The following ZNF175 variants were observed in gnomAD, a reference collection of about 807,000 sequenced individuals.
ZNF175 encodes zinc finger protein 175, also known as zinc finger protein OTK18.
A neutral mutation model predicts 14.0 loss-of-function variants in ZNF175; 8 were observed. That is an observed-to-expected ratio of 0.57 (90% CI 0.34 to 1.03). ZNF175 has a LOEUF of 1.03. Among genes scored for constraint, ZNF175 ranks in the 50% least tolerant of loss-of-function variants. The pLI, the probability that ZNF175 is intolerant of heterozygous loss-of-function variation, is 0.03. For synonymous variants in ZNF175, 255 were observed against 296.8 expected, an observed-to-expected ratio of 0.86 and a Z score of 1.45; for missense variants, 764 against 849.5, an observed-to-expected ratio of 0.90 and a Z score of 1.25.
intron 2 of ZNF175, among the ~76,000 whole-genome samples, chr19:51,580,177 C>T (rs989182559): frequency 3.9e-5 from 6 of 152,154 alleles, no homozygotes; most frequent in South Asian, 2.1e-4. Context: ...CATTGGATGG[C>T]TCTCCTCTAG....
rs1490947329 is a variant in ZNF175, at chr19:51,589,591, G to A, written c.*1124G>A. ...CCCCTTTCCATCTCCACCATCTATAGTGAGCCTCTCCATAATTAGTGCCAA... is the reference window on the plus strand; with the variant it reads ...CCCCTTTCCATCTCCACCATCTATAATGAGCCTCTCCATAATTAGTGCCAA... On this transcript the variant is annotated 3_prime_UTR_variant, in exon 5 of 5. Transcript: ENST00000262259. 1.4e-6 allele frequency: 1 copy of A among 701,968 alleles called. No individual in the cohort carries two copies. 43.5% of individuals were successfully genotyped at this position (701,968 alleles called of 1,614,324 possible).
chr19:51,576,148 T>TG lies in ZNF175; in HGVS notation c.72+2747_72+2748insG, dbSNP rs1463773850. Among the ~76,000 whole-genome samples, 3 of 123,422 alleles carry TG rather than the reference T, an allele frequency of 2.4e-5. No individual in the cohort carries two copies. In the Admixed American group the frequency reaches 2.4e-4, roughly 10 times the overall value. 81.0% of individuals were successfully genotyped at this position (123,422 alleles called of 152,430 possible). ...TCGCTATTTCAGGGACAGTTTTTTT[T>TG]TTTGTTTTTTTTTTTTTTTGAGACA... On this transcript the variant is annotated intron_variant, in intron 2 of 4. Coordinates refer to ENST00000262259, the MANE Select transcript of ZNF175 (RefSeq NM_007147.4).
rs965768508 is a variant in ZNF175 at position 51,591,959 on chromosome 19, G to A, written c.*3492G>A. On this transcript the variant is annotated 3_prime_UTR_variant, in exon 5 of 5. Coordinates refer to ENST00000262259, the MANE Select transcript of ZNF175 (RefSeq NM_007147.4). ...AATTTTTTGTATTTTTAGTAGAGAC[G>A]GGGTTTCACCGTGTTGGCCAGGATG... 7.3e-5 allele frequency: 11 copies of A among 151,598 alleles called. No homozygotes were observed. Among genetic ancestry groups the A allele is most frequent in the Non-Finnish European group, 1.5e-4 (10 of 67,836 alleles). 9.4% of individuals were successfully genotyped at this position (151,598 alleles called of 1,614,324 possible). A position where few individuals can be genotyped will look rare whatever the true frequency, so the allele number is the denominator to read the frequency against.
chr19:51,587,724 C>T lies in ZNF175; in HGVS notation c.1393C>T (p.His465Tyr), dbSNP rs760953974. ...AFIQKAHLIV[H>Y]QRSHTGEKPY... is the part of the protein sequence containing the mutation. ...CATCCAGAAGGCACACCTGATTGTCCATCAAAGAAGCCACACAGGAGAAAA... is the reference window on the plus strand; with the variant it reads ...CATCCAGAAGGCACACCTGATTGTCTATCAAAGAAGCCACACAGGAGAAAA... Residue 465 changes from histidine (H) to tyrosine (Y), a missense_variant, in exon 5 of 5, where the codon CAT (histidine) becomes TAT (tyrosine). By Grantham distance (83) the His-to-Tyr change is moderately conservative (BLOSUM62 2). Coordinates refer to ENST00000262259, the MANE Select transcript of ZNF175 (RefSeq NM_007147.4). The T allele has an allele frequency of 2.5e-6, 4 of 1,614,128 alleles. No individual in the cohort carries two copies. Among genetic ancestry groups the T allele is most frequent in the Admixed American group, 1.7e-5 (1 of 60,020 alleles).
intron 2 of ZNF175, among the ~76,000 whole-genome samples, chr19:51,578,297 G>C (rs1254762959): frequency 6.6e-6 from 1 of 152,038 alleles, no homozygotes. Flanking sequence ...CTACTTGGGA[G>C]GCTGAGGCAG....
Position 51,588,527 on chromosome 19 carries a change from A to G in ZNF175, c.*60A>G. 1 of 1,481,636 alleles carries G rather than the reference A, an allele frequency of 6.7e-7. No homozygotes were observed. 91.8% of individuals were successfully genotyped at this position (1,481,636 alleles called of 1,614,324 possible). On this transcript the variant is annotated 3_prime_UTR_variant, in exon 5 of 5. Coordinates refer to ENST00000262259, the MANE Select transcript of ZNF175 (RefSeq NM_007147.4). ...ATACTCCGAGTTTCTTGAAGAAGAG[A>G]AAATCTTCTCAGAATCAGGTCTAAT...
rs753711297 is a variant in ZNF175, at chr19:51,587,655, T to C, written c.1324T>C (p.Ser442Pro). The C allele has an allele frequency of 1.9e-6, 3 of 1,611,620 alleles. No homozygotes were observed. In the South Asian group the frequency reaches 3.3e-5, roughly 18 times the overall value. ...ACTCAGCTTGCACCAGAGAATCCAC[T>C]CAGGGCAGAAGTCCTATGTGTGTAT... Reference protein sequence around the residue: ...STLSLHQRIHSGQKSYVCIEC... With the variant: ...STLSLHQRIHPGQKSYVCIEC... The change falls in exon 5 of 5, where the codon TCA (serine) becomes CCA (proline). Residue 442 changes from serine to proline, a missense_variant. Coordinates refer to ENST00000262259, the MANE Select transcript of ZNF175 (RefSeq NM_007147.4).
chr19:51,586,318 A>G (rs1190770273), intron 4 of ZNF175, among the ~76,000 whole-genome samples: 2 of 152,224 alleles, frequency 1.3e-5, no homozygotes, highest in Non-Finnish European at 2.9e-5. Flanking sequence ...TTGGCCAATT[A>G]CATAACCATT....
Position 51,579,312 on chromosome 19 carries a change from T to G in ZNF175, c.73-2079T>G, listed in dbSNP as rs899620114. Among the ~76,000 whole-genome samples, 4 of 150,768 alleles carry G rather than the reference T, an allele frequency of 2.7e-5. No individual in the cohort carries two copies. In the East Asian group the frequency reaches 7.8e-4, roughly 29 times the overall value. On this transcript the variant is annotated intron_variant, in intron 2 of 4. Transcript: ENST00000262259. ...AGTGCACGCCTGTGGTCCCAGCTACTTGGGAAGCTGAGGCAGGAGGATCGC... is the reference window on the plus strand; with the variant it reads ...AGTGCACGCCTGTGGTCCCAGCTACGTGGGAAGCTGAGGCAGGAGGATCGC...
At position 51,587,924 on chromosome 19, in the gene ZNF175, T is replaced by C; in HGVS notation, c.1593T>C (p.His531=). The part of the protein sequence containing the change: ...HQKIHTGERH[H]VCSECGKAFN... ...AAATTCATACTGGAGAAAGACACCA[T>C]GTATGCAGTGAATGCGGGAAAGCCT... The change falls in exon 5 of 5, where the codon CAT becomes CAC. Residue 531 remains histidine (H), a synonymous_variant. Coordinates refer to ENST00000262259, the MANE Select transcript of ZNF175 (RefSeq NM_007147.4). 6.2e-7 allele frequency: 1 copy of C among 1,614,150 alleles called. No homozygotes were observed. Among genetic ancestry groups the C allele is most frequent in the Non-Finnish European group, 8.5e-7 (1 of 1,180,020 alleles).
At chr19:51,580,025 TACATATA>T (rs1981944519) in intron 2 of ZNF175, among the ~76,000 whole-genome samples, 1 of 151,994 alleles carries the variant, frequency 6.6e-6, no homozygotes, top group South Asian at 2.1e-4. Context: ...ATTAAAATAT[TACATATA>T]GAAATGATAA....
At chr19:51,576,259 C>T (rs1472452604) in intron 2 of ZNF175, among the ~76,000 whole-genome samples, 1 of 151,522 alleles carries the variant, frequency 6.6e-6, no homozygotes, top group East Asian at 1.9e-4. Flanking sequence ...AAGCCATTCT[C>T]CTGCCTCACT....
At position 51,586,868 on chromosome 19, in the gene ZNF175, G is replaced by C; in HGVS notation, c.537G>C (p.Gly179=). The C allele has an allele frequency of 1.9e-6, 3 of 1,614,174 alleles. No homozygotes were observed. Among genetic ancestry groups the C allele is most frequent in the Non-Finnish European group, 2.5e-6 (3 of 1,180,024 alleles). Residue 179 remains glycine (G), a synonymous_variant, in exon 5 of 5, where the codon GGG becomes GGC. Transcript: ENST00000262259. ...TESNCEYKDP[G]KMIRTRPHLA... is the part of the protein sequence containing the mutation. ...GCAATTGTGAATATAAGGACCCTGG[G>C]AAAATGATTCGCACGAGGCCCCACC...
At position 51,587,014 on chromosome 19, in the gene ZNF175, G is replaced by A. The variant is rs1982187664; in HGVS notation, c.683G>A (p.Gly228Glu). The change falls in exon 5 of 5, where the codon GGG becomes GAG. Residue 228 changes from glycine to glutamate, a missense_variant. Physicochemically the swap from Gly to Glu is moderately conservative, Grantham distance 98. Coordinates refer to ENST00000262259, the MANE Select transcript of ZNF175 (RefSeq NM_007147.4). Reference protein sequence around the residue: ...NDTEQLDDVVGSGQLFSHSSS... With the variant: ...NDTEQLDDVVESGQLFSHSSS... ...ACAGAACAGCTTGATGACGTTGTTG[G>A]GTCTGGTCAGCTATTCAGCCATAGC... The A allele has an allele frequency of 6.2e-7, 1 of 1,614,058 alleles. No homozygotes were observed. The highest frequency in any genetic ancestry group is 8.5e-7 in the Non-Finnish European group (1 of 1,180,022).
In ZNF175 at chr19:51,587,593, G is replaced by T; in HGVS notation, c.1262G>T (p.Cys421Phe). Residue 421 changes from cysteine to phenylalanine, a missense_variant, in exon 5 of 5, where the codon TGC (cysteine) becomes TTC (phenylalanine). Coordinates refer to ENST00000262259, the MANE Select transcript of ZNF175 (RefSeq NM_007147.4). Reference protein sequence around the residue: ...KIHTGERQYACSECGKAFTQK... With the variant: ...KIHTGERQYAFSECGKAFTQK... ...CATACTGGTGAGAGACAGTATGCAT[G>T]CAGTGAATGTGGGAAAGCCTTTACC... The T allele has an allele frequency of 6.2e-7, 1 of 1,614,200 alleles. No homozygotes were observed. Among genetic ancestry groups the T allele is most frequent in the Non-Finnish European group, 8.5e-7 (1 of 1,180,036 alleles).
chr19:51,581,168 T>C (rs894779555), intron 2 of ZNF175, among the ~76,000 whole-genome samples: 1 of 151,638 alleles, frequency 6.6e-6, no homozygotes, highest in African/African-American at 2.4e-5. Flanking sequence ...TCTGGCCTCA[T>C]TTTTGAAAAA....
At position 51,588,630 on chromosome 19, in the gene ZNF175, C is replaced by G; in HGVS notation, c.*163C>G. On this transcript the variant is annotated 3_prime_UTR_variant, in exon 5 of 5. Coordinates refer to ENST00000262259, the MANE Select transcript of ZNF175 (RefSeq NM_007147.4). ...GTGAACACATGATAAAAAAGTCATG[C>G]TTTATTTTAGTGAGGGCAATTACAG... 3 of 766,244 alleles carry G rather than the reference C, an allele frequency of 3.9e-6. No individual in the cohort carries two copies. Among genetic ancestry groups the G allele is most frequent in the Non-Finnish European group, 5.7e-6 (3 of 522,330 alleles). 47.5% of individuals were successfully genotyped at this position (766,244 alleles called of 1,614,324 possible).
At chr19:51,582,653 TTATC>T (rs1982048575) in intron 4 of ZNF175, among the ~76,000 whole-genome samples, 1 of 152,216 alleles carries the variant, frequency 6.6e-6, no homozygotes, top group African/African-American at 2.4e-5. Flanking sequence ...GCCTCTCATC[TTATC>T]TGTTATCTGA....
In ZNF175 at chr19:51,592,037, A is replaced by G. The variant is rs1982369849; in HGVS notation, c.*3570A>G. ...CCCCCCTCGGCCTCCCAAAGTGCCC[A>G]TGACCTTTTTATTGTTGGGCAGTGA... is the stretch of plus-strand genomic sequence containing the variant. On this transcript the variant is annotated 3_prime_UTR_variant, in exon 5 of 5. Transcript: ENST00000262259. The G allele has an allele frequency of 6.6e-6, 1 of 151,916 alleles. No individual in the cohort carries two copies. Among genetic ancestry groups the G allele is most frequent in the African/African-American group, 2.4e-5 (1 of 41,232 alleles). The allele number at this position is 151,916 out of a possible 1,614,324, so 9.4% of individuals were successfully genotyped here.
Sources: gnomAD v4.1 joint callset for allele counts (sites outside exome capture counted in the v4.1 genomes callset) on GRCh38, gnomAD v4.1.1 for gene constraint, MANE v1.5 for transcripts, NCBI Gene and HGNC (gene_info 2026-07-23, HGNC 2026-07-21) for gene names.